Variants in ZMYM6 observed in about 807,000 individuals in gnomAD.
ZMYM6 encodes zinc finger MYM-type containing 6, also known as zinc finger MYM-type protein 6.
A neutral mutation model predicts 134.0 loss-of-function variants in ZMYM6; 90 were observed. The observed-to-expected ratio is 0.67, with a 90% CI of 0.57 to 0.80. The LOEUF is 0.80. Among genes scored for constraint, ZMYM6 ranks in the 30% least tolerant of loss-of-function variants. The pLI is 0.00. For missense variants in ZMYM6, 1,362 were observed against 1,533.9 expected, an observed-to-expected ratio of 0.89 and a Z score of 1.87; for synonymous variants, 481 against 524.1, an observed-to-expected ratio of 0.92 and a Z score of 1.12.
chr1:35,031,044 G>T (rs1397971031), intron 1 of ZMYM6, among the ~76,000 whole-genome samples: 1 of 152,194 alleles, frequency 6.6e-6, no homozygotes, highest in Non-Finnish European at 1.5e-5. Context: ...ACGGACTCAA[G>T]AAATAGTTTC....
At position 35,001,633 on chromosome 1, in the gene ZMYM6, TTAA is replaced by T. The variant is rs758285692; in HGVS notation, c.1992+2332_1992+2334del. ...ATACCTTGATTATACAATTGTGTGG[TTAA>T]TAATGTACAACACAGTGATTTATTA... is the stretch of plus-strand genomic sequence containing the variant. On this transcript the variant is annotated intron_variant, in intron 14 of 15. Transcript: ENST00000357182. 4.8e-4 allele frequency among the ~76,000 whole-genome samples: 73 copies of T among 152,272 alleles called. 1 individual carries two copies. Among genetic ancestry groups the T allele is most frequent in the African/African-American group, 1.6e-3 (65 of 41,578 alleles).
intron 12 of ZMYM6, among the ~76,000 whole-genome samples, chr1:35,006,375 G>C (rs542317938): frequency 6.6e-6 from 1 of 152,134 alleles, no homozygotes; most frequent in South Asian, 2.1e-4. Context: ...ATATATCATG[G>C]ATCTATCTAC....
chr1:35,010,418 C>T (rs1245463436), intron 10 of ZMYM6, 29 bp downstream of exon 10: 24 of 1,594,632 alleles, frequency 1.5e-5, no homozygotes, highest in Non-Finnish European at 2.0e-5. Context: ...ACAACCCATG[C>T]TCTGTGAATA....
At chr1:34,993,934 C>G (rs1018349844) in intron 14 of ZMYM6, among the ~76,000 whole-genome samples, 4 of 151,918 alleles carry the variant, frequency 2.6e-5, no homozygotes, top group Non-Finnish European at 5.9e-5. Flanking sequence ...ATCCACCCAC[C>G]TTGGCCTCCC....
At chr1:34,998,716 TA>T (rs1163857039) in intron 14 of ZMYM6, among the ~76,000 whole-genome samples, 2 of 152,160 alleles carry the variant, frequency 1.3e-5, no homozygotes, top group African/African-American at 2.4e-5. Flanking sequence ...CATATAAGTG[TA>T]AATGTCAAGT....
intron 14 of ZMYM6, among the ~76,000 whole-genome samples, chr1:35,000,685 A>AT (rs983478183): frequency 3.9e-5 from 6 of 152,192 alleles, no homozygotes; most frequent in Non-Finnish European, 7.3e-5. Flanking sequence ...ATGGATAGGT[A>AT]TTTTTTAAAA....
intron 14 of ZMYM6, among the ~76,000 whole-genome samples, chr1:35,001,973 T>C (rs1161265963): frequency 6.6e-6 from 1 of 152,208 alleles, no homozygotes; most frequent in Non-Finnish European, 1.5e-5. Flanking sequence ...TGCAGACACA[T>C]TTTTCATCTT....
intron 8 of ZMYM6, 86 bp from the exon 9 acceptor site, chr1:35,011,122 A>G (rs1201588143): frequency 3.6e-6 from 5 of 1,383,508 alleles, no homozygotes; most frequent in Non-Finnish European, 4.8e-6. Context: ...TTAATAAATC[A>G]AGTCTCCCAC....
chr1:34,998,029 C>T (rs1179218659), intron 14 of ZMYM6, among the ~76,000 whole-genome samples: 1 of 152,086 alleles, frequency 6.6e-6, no homozygotes, highest in African/African-American at 2.4e-5. Flanking sequence ...GCCTGTAATC[C>T]CAGCACTTTG....
rs1218514928 is a variant in ZMYM6, at chr1:35,005,183, C to A, written c.1903G>T (p.Ala635Ser). 1 of 1,614,134 alleles carries A rather than the reference C, an allele frequency of 6.2e-7. No individual in the cohort carries two copies. Among genetic ancestry groups the A allele is most frequent in the South Asian group, 1.1e-5 (1 of 91,078 alleles). The change falls in exon 13 of 16, where the codon GCA becomes TCA. Residue 635 changes from alanine to serine, a missense_variant. Ala to Ser is a moderately conservative substitution (Grantham distance 99). This residue lies in a region of ZMYM6 where 824 missense variants were observed against 940.9 expected (regional missense o/e 0.88). Transcript: ENST00000357182. ...TPVITSVMSL[A>S]KIPATLSTGN... ...GTAGATAAGGTAGCAGGTATTTTTG[C>A]CAATGACATCACACTGGTTATAACT...
rs749455631 is a variant in ZMYM6, at chr1:35,003,967, C to T, written c.1992+1G>A. ...AGAAAAGTATTAACAATTAAACTCACATCTTGAATGATCTTTGCTGCCTCT... is the reference window on the plus strand; with the variant it reads ...AGAAAAGTATTAACAATTAAACTCATATCTTGAATGATCTTTGCTGCCTCT... On this transcript the variant is annotated splice_donor_variant, in intron 14 of 15. Coordinates refer to ENST00000357182, the MANE Select transcript of ZMYM6 (RefSeq NM_007167.4). LOFTEE classifies it high-confidence loss of function. 6 of 1,612,000 alleles carry T rather than the reference C, an allele frequency of 3.7e-6. No homozygotes were observed. The highest frequency in any genetic ancestry group is 5.1e-6 in the Non-Finnish European group (6 of 1,178,604).
In ZMYM6 at chr1:35,005,276, A is replaced by T. The variant is rs10158284; in HGVS notation, c.1814-4T>A. On this transcript the variant is annotated splice_region_variant and splice_polypyrimidine_tract_variant and intron_variant, in intron 12 of 15. Coordinates refer to ENST00000357182, the MANE Select transcript of ZMYM6 (RefSeq NM_007167.4). ...GTTTTTGCTTTAGAAATATTTACTG[A>T]TTAAAATAAAAAGTTAAGATCTGGA... is the stretch of plus-strand genomic sequence containing the variant. 0.046 allele frequency: 73,699 copies of T among 1,613,268 alleles called. 5,065 individuals are homozygous for T. The highest frequency in any genetic ancestry group is 0.39 in the East Asian group (17,663 of 44,832).
At chr1:35,004,144 C>G in intron 13 of ZMYM6, 139 bp from the exon 14 acceptor site, 2 of 679,328 alleles carry the variant, frequency 2.9e-6, no homozygotes, top group Non-Finnish European at 2.5e-6. Context: ...AAGGAAACTG[C>G]ATCAGTATCA....
In ZMYM6 at chr1:34,988,865, A is replaced by T. The variant is rs1345551547; in HGVS notation, c.2217T>A (p.Gly739=). 1 of 1,608,834 alleles carries T rather than the reference A, an allele frequency of 6.2e-7. No homozygotes were observed. The highest frequency in any genetic ancestry group is 8.5e-7 in the Non-Finnish European group (1 of 1,177,062). ...DSPPSKKKRL[G]FFQTYDTEYL... ...ATTCTGTATCATAAGTCTGGAAAAA[A>T]CCTAATCTTTTTTTCTTTGAAGGTG... The change falls in exon 16 of 16, where the codon GGT becomes GGA. Residue 739 remains glycine, a synonymous_variant. Coordinates refer to ENST00000357182, the MANE Select transcript of ZMYM6 (RefSeq NM_007167.4).
At position 35,001,117 on chromosome 1, in the gene ZMYM6, T is replaced by C. The variant is rs6688155; in HGVS notation, c.1992+2851A>G. Among the ~76,000 whole-genome samples, 434 of 152,306 alleles carry C rather than the reference T, an allele frequency of 2.8e-3. 4 individuals are homozygous for C. Among genetic ancestry groups the C allele is most frequent in the African/African-American group, 9.9e-3 (413 of 41,580 alleles). On this transcript the variant is annotated intron_variant, in intron 14 of 15. Transcript: ENST00000357182. ...AAAATATTTACTATCTAGACTTTTA[T>C]AGAAAAAGTTTGCTGAGTTTTACAG...
At chr1:34,988,958 T>C in intron 15 of ZMYM6, 23 bp from the exon 16 acceptor site, 1 of 1,592,762 alleles carries the variant, frequency 6.3e-7, no homozygotes, top group Non-Finnish European at 8.5e-7. Context: ...TTTGAATCAC[T>C]GTTATTTTCA....
At position 34,987,923 on chromosome 1, in the gene ZMYM6, C is replaced by T; in HGVS notation, c.3159G>A (p.Leu1053=). 1 of 1,551,658 alleles carries T rather than the reference C, an allele frequency of 6.4e-7. No individual in the cohort carries two copies. Among genetic ancestry groups the T allele is most frequent in the Non-Finnish European group, 8.7e-7 (1 of 1,146,988 alleles). ...CATGCTCAGATCCCATCTCTTCACA[C>T]AAAATTGTTAACATACGTGAATTTA... The part of the protein sequence containing the change: ...NALNSRMLTI[L]CEEMGSEHVS... The change falls in exon 16 of 16, where the codon TTG becomes TTA. Residue 1053 remains leucine, a synonymous_variant. Coordinates refer to ENST00000357182, the MANE Select transcript of ZMYM6 (RefSeq NM_007167.4).
In ZMYM6 at chr1:35,016,602, T is replaced by C. The variant is rs75647675; in HGVS notation, c.429-1440A>G. Among the ~76,000 whole-genome samples the C allele has an allele frequency of 2.2e-3, 342 of 152,332 alleles. 5 individuals carry two copies. In the East Asian group the frequency reaches 0.053, roughly 24 times the overall value. On this transcript the variant is annotated intron_variant, in intron 4 of 15. Transcript: ENST00000357182. ...AAAGTAAATAATAATGGCAATAATA[T>C]ATACTACAATAAGTGTGTTGAGTAA...
At position 35,015,106 on chromosome 1, in the gene ZMYM6, C is replaced by T; in HGVS notation, c.485G>A (p.Ser162Asn). Reference protein sequence around the residue: ...ITTRFENSYPSKDFCSQSCLS... With the variant: ...ITTRFENSYPNKDFCSQSCLS... The stretch of plus-strand genomic sequence containing the variant: ...GCATGATTGGCTGCAGAAATCTTTG[C>T]TAGGATAGGAATTCTCAAAGCGAGT... Residue 162 changes from serine to asparagine, a missense_variant, in exon 5 of 16, where the codon AGC (serine) becomes AAC (asparagine). By Grantham distance (46) the Ser-to-Asn change is conservative. Around this residue, in one of 3 missense-constraint regions of ZMYM6, gnomAD observed 503 missense variants for 520.8 expected, o/e 0.97. Transcript: ENST00000357182. 1 of 1,613,626 alleles carries T rather than the reference C, an allele frequency of 6.2e-7. No individual in the cohort carries two copies. Among genetic ancestry groups the T allele is most frequent in the Non-Finnish European group, 8.5e-7 (1 of 1,179,886 alleles).
Sources: allele counts gnomAD v4.1 joint callset (sites outside exome capture counted in the v4.1 genomes callset), GRCh38; gene constraint gnomAD v4.1.1; regional missense constraint gnomAD v4.1.1; transcripts MANE v1.5; gene names NCBI Gene and HGNC (gene_info 2026-07-23, HGNC 2026-07-21).